Variants in NEMP2 observed in about 807,000 individuals in gnomAD.
NEMP2 encodes UPF0571 transmembrane protein.
NEMP2 carries 53 observed loss-of-function variants against 54.2 expected under a neutral mutation model. That is an observed-to-expected ratio of 0.98 (90% CI 0.78 to 1.23). The LOEUF (loss-of-function observed/expected upper bound fraction) is 1.23, where lower values mean the gene tolerates loss of function less well. Ranked by LOEUF, NEMP2 falls within the 50% of genes most tolerant of loss-of-function variation. The pLI is 0.00. For synonymous variants in NEMP2, 197 were observed against 190.3 expected, an observed-to-expected ratio of 1.04 and a Z score of -0.29; for missense variants, 455 against 511.3, an observed-to-expected ratio of 0.89 and a Z score of 1.06.
chr2:190,471,560 C>T, the NEMP2 span, among the ~76,000 whole-genome samples: 1 of 152,222 alleles, frequency 6.6e-6, no homozygotes, highest in Non-Finnish European at 1.5e-5. The surrounding 1 kb of genome is among the most constrained non-coding windows in gnomAD (Gnocchi z 4.7). Context: ...CCCGCCATTG[C>T]TGAGGCTTGA....
the NEMP2 span, among the ~76,000 whole-genome samples, chr2:190,426,181 T>G: frequency 1.1e-4 from 17 of 152,230 alleles, no homozygotes; most frequent in African/African-American, 3.9e-4. The surrounding 1 kb of genome is among the most constrained non-coding windows in gnomAD (Gnocchi z 4.7). Context: ...AGGACTATGA[T>G]GACATGAACA....
At chr2:190,541,963 T>C in the NEMP2 span, among the ~76,000 whole-genome samples, 1 of 151,784 alleles carries the variant, frequency 6.6e-6, no homozygotes, top group African/African-American at 2.4e-5. This position sits in a 1 kb window ranked among gnomAD's most constrained non-coding sequence, Gnocchi z 5.2. Flanking sequence ...GCCAGAAAAA[T>C]TGGAGCTCCT....
At position 190,514,308 on chromosome 2, in the gene NEMP2, C is replaced by G; in HGVS notation, c.953+145G>C. The stretch of plus-strand genomic sequence containing the variant: ...GGGATCAGATGCTTGGAGCTCTCTA[C>G]CCCTACACCCCCAATCTTGCTCAGA... On this transcript the variant is annotated intron_variant, in intron 7 of 8. Coordinates refer to ENST00000409150, the MANE Select transcript of NEMP2 (RefSeq NM_001142645.2). The surrounding 1 kb of genome is among the most constrained non-coding windows in gnomAD (Gnocchi z 5.7). 1 of 779,910 alleles carries G rather than the reference C, an allele frequency of 1.3e-6. No individual in the cohort carries two copies. The highest frequency in any genetic ancestry group is 2.1e-6 in the Non-Finnish European group (1 of 478,988). The allele number at this position is 779,910 out of a possible 1,614,324, so 48.3% of individuals were successfully genotyped here.
the NEMP2 span, among the ~76,000 whole-genome samples, chr2:190,480,727 A>T: frequency 8.5e-5 from 13 of 152,386 alleles, 1 homozygote; most frequent in African/African-American, 3.1e-4. Context: ...CAAAATGCTT[A>T]ATCTCTCTAA....
At chr2:190,431,416 T>C in the NEMP2 span, among the ~76,000 whole-genome samples, 1 of 152,170 alleles carries the variant, frequency 6.6e-6, no homozygotes, top group Non-Finnish European at 1.5e-5. The surrounding 1 kb of genome is among the most constrained non-coding windows in gnomAD (Gnocchi z 4.4). Flanking sequence ...CTGGGCACCA[T>C]TGATCACTGA....
chr2:190,519,192 C>T lies in NEMP2; in HGVS notation c.214-9G>A. 1 of 1,503,890 alleles carries T rather than the reference C, an allele frequency of 6.6e-7. No homozygotes were observed. Among genetic ancestry groups the T allele is most frequent in the Non-Finnish European group, 9.0e-7 (1 of 1,109,490 alleles). 93.2% of individuals were successfully genotyped at this position (1,503,890 alleles called of 1,614,324 possible). A position where few individuals can be genotyped will look rare whatever the true frequency, so the allele number is the denominator to read the frequency against. On this transcript the variant is annotated splice_polypyrimidine_tract_variant and intron_variant, in intron 2 of 8. Coordinates refer to ENST00000409150, the MANE Select transcript of NEMP2 (RefSeq NM_001142645.2). This position sits in a 1 kb window ranked among gnomAD's most constrained non-coding sequence, Gnocchi z 5.4. ...GGACTGGTAATTTTCACCTGTAAAA[C>T]AAGAACAAGCAAATCCATAAACAGA...
chr2:190,451,766 A>G, the NEMP2 span, among the ~76,000 whole-genome samples: 1 of 152,220 alleles, frequency 6.6e-6, no homozygotes, highest in Non-Finnish European at 1.5e-5. The surrounding 1 kb of genome is among the most constrained non-coding windows in gnomAD (Gnocchi z 5.0). Context: ...AAAGGACACC[A>G]GTGCACTGGA....
the NEMP2 span, among the ~76,000 whole-genome samples, chr2:190,631,459 TA>T: frequency 1.3e-5 from 2 of 152,088 alleles, no homozygotes; most frequent in South Asian, 2.1e-4. Flanking sequence ...AAGATCAATG[TA>T]AAAAAAACTT....
downstream of NEMP2, among the ~76,000 whole-genome samples, chr2:190,503,626 G>A (rs1442611213): frequency 6.6e-6 from 1 of 152,152 alleles, no homozygotes; most frequent in Non-Finnish European, 1.5e-5. This position sits in a 1 kb window ranked among gnomAD's most constrained non-coding sequence, Gnocchi z 6.3. Context: ...AGAAAGAGGT[G>A]ATTTTCCATT....
At chr2:190,517,408 G>A (rs1376818718) in intron 5 of NEMP2, 112 bp downstream of exon 5, 2 of 746,644 alleles carry the variant, frequency 2.7e-6, no homozygotes, top group Non-Finnish European at 2.1e-6. Context: ...ACATAATGAA[G>A]AAACATAATT....
At chr2:190,618,381 G>T in the NEMP2 span, among the ~76,000 whole-genome samples, 1 of 152,050 alleles carries the variant, frequency 6.6e-6, no homozygotes, top group African/African-American at 2.4e-5. Flanking sequence ...CTCTCACAAG[G>T]ATCAATGACA....
In NEMP2 at chr2:190,509,791, G is replaced by C. The variant is rs887208133; in HGVS notation, c.1131-479C>G. On this transcript the variant is annotated intron_variant, in intron 8 of 8. Transcript: ENST00000409150. The surrounding 1 kb of genome is among the most constrained non-coding windows in gnomAD (Gnocchi z 6.1). ...GCGGTGGCTCATGCCTGTAATCCCA[G>C]CACTTTGGGAGGCCAAGGCAGGCAG... is the stretch of plus-strand genomic sequence containing the variant. Among the ~76,000 whole-genome samples the C allele has an allele frequency of 6.6e-6, 1 of 152,208 alleles. No individual in the cohort carries two copies. The highest frequency in any genetic ancestry group is 1.5e-5 in the Non-Finnish European group (1 of 68,044).
At chr2:190,430,815 CCCGGACGGGGCGGCCGGCCGGGCGGGGG>C in the NEMP2 span, among the ~76,000 whole-genome samples, 12 of 145,134 alleles carry the variant, frequency 8.3e-5, no homozygotes, top group South Asian at 2.4e-4. Context: ...CCACCTCCCT[CCCGGACGGGGCGGCCGGCCGGGCGGGGG>C]CTGACCCCCC....
chr2:190,614,655 C>T, the NEMP2 span, among the ~76,000 whole-genome samples: 4 of 152,288 alleles, frequency 2.6e-5, no homozygotes, highest in Admixed American at 2.0e-4. The surrounding 1 kb of genome is among the most constrained non-coding windows in gnomAD (Gnocchi z 5.7). Context: ...GGGAATAAGA[C>T]AGATACACAA....
the NEMP2 span, among the ~76,000 whole-genome samples, chr2:190,547,831 C>A: frequency 1.1e-3 from 174 of 152,222 alleles, 3 homozygotes; most frequent in Middle Eastern, 0.01. The surrounding 1 kb of genome is among the most constrained non-coding windows in gnomAD (Gnocchi z 6.2). Flanking sequence ...CCACCGTGCC[C>A]ATCCACAAAT....
At chr2:190,438,592 C>A in the NEMP2 span, among the ~76,000 whole-genome samples, 1 of 152,214 alleles carries the variant, frequency 6.6e-6, no homozygotes, top group Admixed American at 6.5e-5. The surrounding 1 kb of genome is among the most constrained non-coding windows in gnomAD (Gnocchi z 5.2). Context: ...GTGCACCTTG[C>A]TCTTTAGAGA....
At chr2:190,469,746 A>ATTTTTTAT in the NEMP2 span, 938 of 1,358,004 alleles carry the variant, frequency 6.9e-4, 1 homozygote, top group Middle Eastern at 1.5e-3. The surrounding 1 kb of genome is among the most constrained non-coding windows in gnomAD (Gnocchi z 5.3). Flanking sequence ...TTTATTTTTT[A>ATTTTTTAT]TTTTTTTTTA....
the NEMP2 span, chr2:190,437,203 C>T: frequency 6.6e-5 from 107 of 1,614,104 alleles, 1 homozygote; most frequent in Middle Eastern, 2.8e-3. This position sits in a 1 kb window ranked among gnomAD's most constrained non-coding sequence, Gnocchi z 5.9. Flanking sequence ...GTTCCGGTTC[C>T]GCTACAACCA....
At chr2:190,430,890 C>T in the NEMP2 span, among the ~76,000 whole-genome samples, 129 of 91,386 alleles carry the variant, frequency 1.4e-3, 2 homozygotes, top group Admixed American at 1.8e-3. Context: ...CGGGCGGAGA[C>T]GCTCCTCACT....
Sources: allele counts gnomAD v4.1 joint callset (sites outside exome capture counted in the v4.1 genomes callset), GRCh38; gene constraint gnomAD v4.1.1; non-coding constraint Gnocchi (gnomAD v3.1); transcripts MANE v1.5; gene names NCBI Gene and HGNC (gene_info 2026-07-23, HGNC 2026-07-21).